FRMD4A: variants seen among roughly 807,000 people sequenced by gnomAD.
The protein encoded by FRMD4A is FERM domain containing 4A, also known as FERM domain-containing protein 4A.
In FRMD4A, 29 loss-of-function variants were observed where a neutral mutation model predicts 129.1. The ratio of observed to expected loss-of-function variants is 0.22; its 90% CI spans 0.17 to 0.31. The LOEUF is 0.31. Among genes scored for constraint, FRMD4A ranks in the 10% least tolerant of loss-of-function variants. The probability of loss-of-function intolerance (pLI) is 1.00; values close to 1 mark genes in which losing one functional copy is unlikely to be tolerated. For synonymous variants in FRMD4A, 634 were observed against 571.6 expected (o/e 1.11, Z -1.56); for missense variants, 1,272 against 1,375.8 (o/e 0.92, Z 1.19).
intron 3 of FRMD4A, among the ~76,000 whole-genome samples, chr10:13,813,055 A>G (rs1020474364): frequency 6.6e-6 from 1 of 152,380 alleles, no homozygotes; most frequent in Non-Finnish European, 1.5e-5. Context: ...GGCTGTGGCC[A>G]GCACTAGCTC....
chr10:14,053,738 G>T (rs1417486489), intron 2 of FRMD4A, among the ~76,000 whole-genome samples: 1 of 152,154 alleles, frequency 6.6e-6, no homozygotes, highest in African/African-American at 2.4e-5. Context: ...GACCCTTGTG[G>T]CTGGGCATGG....
At chr10:13,792,346 G>A (rs942449970) in intron 5 of FRMD4A, among the ~76,000 whole-genome samples, 2 of 151,992 alleles carry the variant, frequency 1.3e-5, no homozygotes, top group Admixed American at 6.6e-5. Flanking sequence ...GAGACCTCTG[G>A]CCACAGGTCT....
In FRMD4A at chr10:13,796,466, A is replaced by G. The variant is rs947085335; in HGVS notation, c.299+30T>C. ...ACTTCCCTGATAAAGAACACAAAGA[A>G]GCAAAAGTATAGACACCAGGTGTAC... On this transcript the variant is annotated intron_variant, in intron 5 of 24. Transcript: ENST00000357447. 6.5e-6 allele frequency: 7 copies of G among 1,073,776 alleles called. No individual in the cohort carries two copies. The African/African-American group carries it at 1.1e-4, about 17-fold the overall frequency. The allele number at this position is 1,073,776 out of a possible 1,614,324, so 66.5% of individuals were successfully genotyped here. A position where few individuals can be genotyped will look rare whatever the true frequency, so the allele number is the denominator to read the frequency against.
chr10:14,113,951 A>G (rs1293324023), intron 2 of FRMD4A, among the ~76,000 whole-genome samples: 1 of 152,082 alleles, frequency 6.6e-6, no homozygotes, highest in Admixed American at 6.5e-5. Context: ...CCCCCAGCCC[A>G]TCCTATCGCC....
At chr10:13,844,627 G>T (rs1427271108) in intron 3 of FRMD4A, among the ~76,000 whole-genome samples, 2 of 152,196 alleles carry the variant, frequency 1.3e-5, no homozygotes, top group Non-Finnish European at 2.9e-5. Context: ...TAAAAGGACT[G>T]CATGTGATAT....
At chr10:13,910,359 G>C (rs1195436731) in intron 2 of FRMD4A, among the ~76,000 whole-genome samples, 1 of 152,156 alleles carries the variant, frequency 6.6e-6, no homozygotes, top group Non-Finnish European at 1.5e-5. Context: ...CCTCAGAGAG[G>C]GGAGAGAACC....
intron 3 of FRMD4A, among the ~76,000 whole-genome samples, chr10:13,841,180 T>A (rs928243551): frequency 6.6e-6 from 1 of 152,212 alleles, no homozygotes; most frequent in Non-Finnish European, 1.5e-5. Flanking sequence ...AGAGACTTCA[T>A]ACATTAACTT....
At chr10:13,869,288 G>C (rs925526074) in intron 2 of FRMD4A, among the ~76,000 whole-genome samples, 7 of 152,206 alleles carry the variant, frequency 4.6e-5, no homozygotes, top group African/African-American at 1.7e-4. Context: ...GCAGGTAAGA[G>C]GCTGGTACAA....
intron 2 of FRMD4A, among the ~76,000 whole-genome samples, chr10:14,184,893 C>T (rs1390335495): frequency 6.6e-6 from 1 of 152,170 alleles, no homozygotes. Flanking sequence ...TGCGTGGGTA[C>T]TGCGATGGAG....
chr10:14,039,406 C>CTAT lies in FRMD4A; in HGVS notation c.46-180495_46-180494insATA, dbSNP rs1198865390. 3.4e-3 allele frequency among the ~76,000 whole-genome samples: 503 copies of CTAT among 146,358 alleles called. 4 individuals carry two copies. The highest frequency in any genetic ancestry group is 0.012 in the African/African-American group (449 of 38,926). Reference sequence around the variant, plus strand: ...TCCATCCATCCATCCATCCATCCATCCATCTATCTATCTATCTATCTATCT... The same window carrying CTAT: ...TCCATCCATCCATCCATCCATCCATCTATCATCTATCTATCTATCTATCTATCT... On this transcript the variant is annotated intron_variant, in intron 2 of 24. Transcript: ENST00000357447.
At chr10:13,934,284 T>C (rs1350422098) in intron 2 of FRMD4A, among the ~76,000 whole-genome samples, 1 of 152,204 alleles carries the variant, frequency 6.6e-6, no homozygotes, top group Admixed American at 6.5e-5. Flanking sequence ...GTGTAGACAA[T>C]CTAGATTCAC....
chr10:13,707,408 G>T, intron 12 of FRMD4A: 1 of 1,092,996 alleles, frequency 9.1e-7, no homozygotes, highest in Non-Finnish European at 1.1e-6. Flanking sequence ...GTTTGGTCGT[G>T]GCAGTCCCCA....
intron 12 of FRMD4A, chr10:13,707,911 A>G (rs1305886480): frequency 1.0e-6 from 1 of 984,750 alleles, no homozygotes; most frequent in Admixed American, 6.1e-5. Context: ...GCTGACTGTA[A>G]TGTTTGGAAG....
intron 2 of FRMD4A, among the ~76,000 whole-genome samples, chr10:14,102,437 G>A (rs533872903): frequency 2.5e-4 from 38 of 152,182 alleles, no homozygotes; most frequent in Non-Finnish European, 5.0e-4. Context: ...TGAGGTAGGA[G>A]AATCACTTGA....
Position 13,829,243 on chromosome 10 carries a change from G to T in FRMD4A, c.112-18335C>A, listed in dbSNP as rs538405903. ...TAAACAAAACGAAAAACATTCTTCC[G>T]GCAGGGCATGGTGGCTCACACCTCT... is the stretch of plus-strand genomic sequence containing the variant. On this transcript the variant is annotated intron_variant, in intron 3 of 24. Coordinates refer to ENST00000357447, the MANE Select transcript of FRMD4A (RefSeq NM_018027.5). Among the ~76,000 whole-genome samples, 4 of 152,250 alleles carry T rather than the reference G, an allele frequency of 2.6e-5. No homozygotes were observed. The East Asian group carries it at 7.7e-4, about 29-fold the overall frequency.
chr10:13,707,457 G>A, intron 12 of FRMD4A: 1 of 1,035,452 alleles, frequency 9.7e-7, no homozygotes, highest in Non-Finnish European at 1.2e-6. Flanking sequence ...GGGAGGAGAG[G>A]TGGAGACCGG....
chr10:13,916,276 G>A (rs1160774552), intron 2 of FRMD4A, among the ~76,000 whole-genome samples: 1 of 152,162 alleles, frequency 6.6e-6, no homozygotes, highest in Admixed American at 6.5e-5. Context: ...TGTTCACTTT[G>A]GCTTTGCCTC....
At chr10:13,747,667 T>A (rs1273732423) in intron 9 of FRMD4A, 69 bp downstream of exon 9, 2 of 816,472 alleles carry the variant, frequency 2.4e-6, no homozygotes, top group East Asian at 4.9e-5. Context: ...GGAGGGTACA[T>A]TCAGTTGTCC....
intron 2 of FRMD4A, among the ~76,000 whole-genome samples, chr10:14,219,292 A>T (rs1410794297): frequency 9.2e-5 from 14 of 152,256 alleles, no homozygotes; most frequent in African/African-American, 3.4e-4. Context: ...TCTGTGTTGG[A>T]GGACACCCAT....
Sources: gnomAD v4.1 joint callset for allele counts (sites outside exome capture counted in the v4.1 genomes callset) on GRCh38, gnomAD v4.1.1 for gene constraint, MANE v1.5 for transcripts, NCBI Gene and HGNC (gene_info 2026-07-23, HGNC 2026-07-21) for gene names.